Variants in NUP93 observed in about 807,000 individuals in gnomAD.
NUP93 encodes the protein nucleoporin 93.
In NUP93, 55 loss-of-function variants were observed where a neutral mutation model predicts 107.8. The ratio of observed to expected loss-of-function variants is 0.51; its 90% confidence interval spans 0.41 to 0.64. The LOEUF is 0.64. NUP93 is among the 30% of genes least tolerant of loss of function. The probability of loss-of-function intolerance (pLI) is 0.00; values close to 1 mark genes in which losing one functional copy is unlikely to be tolerated. For synonymous variants in NUP93, 390 were observed against 397.5 expected (o/e 0.98, Z 0.22); for missense variants, 937 against 1,044.7 (o/e 0.90, Z 1.42).
chr16:56,832,988 G>A (rs940675077), intron 12 of NUP93, among the ~76,000 whole-genome samples: 25 of 152,210 alleles, frequency 1.6e-4, no homozygotes, highest in Non-Finnish European at 3.1e-4. Context: ...CACAGTCACA[G>A]TTTCCAGTAA....
At chr16:56,757,170 T>C (rs776935907) in intron 2 of NUP93, among the ~76,000 whole-genome samples, 8 of 152,236 alleles carry the variant, frequency 5.3e-5, no homozygotes, top group Non-Finnish European at 7.3e-5. Flanking sequence ...CCAGTAAGTC[T>C]GTTAGTTCAG....
chr16:56,769,223 A>T (rs1176566082), intron 3 of NUP93, among the ~76,000 whole-genome samples: 1 of 152,254 alleles, frequency 6.6e-6, no homozygotes, highest in Non-Finnish European at 1.5e-5. Context: ...TAGTGAAAGT[A>T]TAAAATAGAA....
chr16:56,739,549 G>T (rs1961674448), intron 1 of NUP93, among the ~76,000 whole-genome samples: 1 of 111,560 alleles, frequency 9.0e-6, no homozygotes, highest in Non-Finnish European at 1.9e-5. Flanking sequence ...CTCCCTCCCG[G>T]ACGGGGCGGC....
At position 56,789,965 on chromosome 16, in the gene NUP93, C is replaced by T. The variant is rs927650312; in HGVS notation, c.298-8511C>T. 1.8e-4 allele frequency among the ~76,000 whole-genome samples: 27 copies of T among 152,182 alleles called. No individual in the cohort carries two copies. In the South Asian group the frequency reaches 4.4e-3, roughly 25 times the overall value. ...GCAGAAAATTAGCTGGGCATGGTGG[C>T]GTGCGCCTGTAATCCCAGCTACTCA... On this transcript the variant is annotated intron_variant, in intron 3 of 21. Coordinates refer to ENST00000308159, the MANE Select transcript of NUP93 (RefSeq NM_014669.5).
In NUP93 at chr16:56,823,853, C is replaced by T; in HGVS notation, c.794+7C>T. ...TGGCGTACCTTGAGCAGAGGTAAGG[C>T]AGCAGTAGCACAGTGGGGCTGGCTT... On this transcript the variant is annotated splice_region_variant and intron_variant, in intron 8 of 21. Coordinates refer to ENST00000308159, the MANE Select transcript of NUP93 (RefSeq NM_014669.5). The T allele has an allele frequency of 1.2e-6, 2 of 1,613,102 alleles. No homozygotes were observed. The highest frequency in any genetic ancestry group is 1.7e-6 in the Non-Finnish European group (2 of 1,179,744).
intron 3 of NUP93, among the ~76,000 whole-genome samples, chr16:56,760,754 A>G (rs1962111254): frequency 6.6e-6 from 1 of 152,176 alleles, no homozygotes; most frequent in Non-Finnish European, 1.5e-5. Context: ...TTTGGCAGAG[A>G]CATGTATTCA....
In NUP93 at chr16:56,841,851, GC is replaced by G. The variant is rs1567415558; in HGVS notation, c.2349+19del. On this transcript the variant is annotated intron_variant, in intron 21 of 21. Coordinates refer to ENST00000308159, the MANE Select transcript of NUP93 (RefSeq NM_014669.5). ...GCGACTCTGTAAGATCCCAGCATTC[GC>G]GAGAAACATTGCTAAGCACCACCTT... 1 of 1,613,140 alleles carries G rather than the reference GC, an allele frequency of 6.2e-7. No individual in the cohort carries two copies. The highest frequency in any genetic ancestry group is 1.1e-5 in the South Asian group (1 of 90,906).
chr16:56,774,259 A>G (rs550050292), intron 3 of NUP93, among the ~76,000 whole-genome samples: 17 of 152,336 alleles, frequency 1.1e-4, no homozygotes, highest in Non-Finnish European at 1.8e-4. Context: ...GAGGCCTTAA[A>G]TCTGGTCTCT....
intron 1 of NUP93, among the ~76,000 whole-genome samples, chr16:56,738,097 C>G (rs1449451591): frequency 6.6e-6 from 1 of 152,178 alleles, no homozygotes; most frequent in African/African-American, 2.4e-5. Context: ...CAGGAAGCAT[C>G]AAGTAAGTTT....
At chr16:56,833,963 A>C (rs1178359114) in intron 13 of NUP93, among the ~76,000 whole-genome samples, 165 bp from the exon 14 acceptor site, 3 of 152,180 alleles carry the variant, frequency 2.0e-5, no homozygotes, top group African/African-American at 7.2e-5. Context: ...GGATGAATTG[A>C]GGATAGGATG....
In NUP93 at chr16:56,808,587, T is replaced by A. The variant is rs866847651; in HGVS notation, c.489+2955T>A. ...ATAAATACATTTATATAAATATTTA[T>A]AAATATATAAATACATTTATATAAA... is the stretch of plus-strand genomic sequence containing the variant. On this transcript the variant is annotated intron_variant, in intron 5 of 21. Transcript: ENST00000308159. 6.7e-4 allele frequency among the ~76,000 whole-genome samples: 84 copies of A among 124,530 alleles called. 3 individuals carry two copies. The highest frequency in any genetic ancestry group is 2.0e-3 in the African/African-American group (62 of 30,718). The allele number at this position is 124,530 out of a possible 152,430, so 81.7% of individuals were successfully genotyped here. A position where few individuals can be genotyped will look rare whatever the true frequency, so the allele number is the denominator to read the frequency against.
At chr16:56,775,172 A>G (rs1238146030) in intron 3 of NUP93, among the ~76,000 whole-genome samples, 4 of 152,118 alleles carry the variant, frequency 2.6e-5, no homozygotes, top group Non-Finnish European at 4.4e-5. Context: ...AAGTGCAGAG[A>G]TCACAGATGT....
intron 3 of NUP93, among the ~76,000 whole-genome samples, chr16:56,791,949 A>G (rs1962773759): frequency 6.6e-6 from 1 of 152,234 alleles, no homozygotes. Flanking sequence ...ATACAATTAC[A>G]TATATATAAT....
rs1280617857 is a variant in NUP93 at position 56,834,795 on chromosome 16, C to A, written c.1782+17C>A. The A allele has an allele frequency of 1.9e-6, 3 of 1,582,762 alleles. No individual in the cohort carries two copies. The highest frequency in any genetic ancestry group is 1.7e-6 in the Non-Finnish European group (2 of 1,154,442). The stretch of plus-strand genomic sequence containing the variant: ...AGTAGAAAGGTGAGTTAAATGCATC[C>A]TTAGAGAAATGTTCGTTAGCCATTG... On this transcript the variant is annotated intron_variant, in intron 16 of 21. Coordinates refer to ENST00000308159, the MANE Select transcript of NUP93 (RefSeq NM_014669.5).
chr16:56,828,652 A>G (rs1963718380), intron 8 of NUP93, among the ~76,000 whole-genome samples: 1 of 152,234 alleles, frequency 6.6e-6, no homozygotes, highest in Non-Finnish European at 1.5e-5. Context: ...TAAAAAGTTT[A>G]ACAAGAACCA....
intron 3 of NUP93, among the ~76,000 whole-genome samples, chr16:56,796,162 A>G (rs1962893874): frequency 6.6e-6 from 1 of 152,216 alleles, no homozygotes; most frequent in African/African-American, 2.4e-5. Flanking sequence ...CACCTTCTTA[A>G]AAAGACTGAA....
At chr16:56,815,188 A>G (rs1328060657) in intron 5 of NUP93, among the ~76,000 whole-genome samples, 1 of 152,040 alleles carries the variant, frequency 6.6e-6, no homozygotes, top group Non-Finnish European at 1.5e-5. Context: ...AGCTACAACA[A>G]CTGTGTCCTT....
In NUP93 at chr16:56,818,688, C is replaced by T. The variant is rs1963484431; in HGVS notation, c.514C>T (p.Pro172Ser). ...SEPSYISDVG[P>S]PGRSSLDNIE... ...GCCAAGCTACATCAGTGATGTGGGA[C>T]CCCCTGGTCGAAGCTCTCTGGATAA... Residue 172 changes from proline to serine, a missense_variant, in exon 6 of 22, where the codon CCC becomes TCC. Pro to Ser is a moderately conservative substitution (Grantham distance 74). Coordinates refer to ENST00000308159, the MANE Select transcript of NUP93 (RefSeq NM_014669.5). 6.2e-7 allele frequency: 1 copy of T among 1,613,828 alleles called. No individual in the cohort carries two copies. Among genetic ancestry groups the T allele is most frequent in the African/African-American group, 1.3e-5 (1 of 75,038 alleles).
chr16:56,819,125 C>T (rs536734168), intron 6 of NUP93, among the ~76,000 whole-genome samples: 2 of 152,310 alleles, frequency 1.3e-5, no homozygotes, highest in East Asian at 3.9e-4. Flanking sequence ...AAGAAATTTT[C>T]TAAATGCTTT....
Sources: gnomAD v4.1 joint callset for allele counts (sites outside exome capture counted in the v4.1 genomes callset) on GRCh38, gnomAD v4.1.1 for gene constraint, MANE v1.5 for transcripts, NCBI Gene and HGNC (gene_info 2026-07-23, HGNC 2026-07-21) for gene names.